Variants in ZNF100 observed in about 807,000 individuals in gnomAD.
The protein encoded by ZNF100 is zinc finger protein 100 (Y1).
ZNF100 carries 12 observed loss-of-function variants against 15.8 expected under a neutral mutation model. The ratio of observed to expected loss-of-function variants is 0.76; its 90% CI spans 0.49 to 1.23. ZNF100 has a LOEUF of 1.23. ZNF100 is among the 50% of genes most tolerant of loss of function. The probability of loss-of-function intolerance (pLI) is 0.00; values close to 1 mark genes in which losing one functional copy is unlikely to be tolerated. For synonymous variants in ZNF100, 226 were observed against 214.8 expected (o/e 1.05, Z -0.45); for missense variants, 670 against 635.6 (o/e 1.05, Z -0.58).
At chr19:21,750,859 C>A in intron 2 of ZNF100, 1 of 518,912 alleles carries the variant, frequency 1.9e-6, no homozygotes, top group Non-Finnish European at 3.4e-6. Context: ...GGGGAACACG[C>A]TGACCTATTG....
intron 4 of ZNF100, among the ~76,000 whole-genome samples, chr19:21,735,596 C>T (rs535752221): frequency 3.2e-4 from 48 of 150,870 alleles, no homozygotes; most frequent in Non-Finnish European, 3.1e-4. Context: ...TCACATGCAA[C>T]GACACACATA....
At chr19:21,733,161 T>C (rs2035947493) in intron 4 of ZNF100, among the ~76,000 whole-genome samples, 1 of 152,194 alleles carries the variant, frequency 6.6e-6, no homozygotes, top group African/African-American at 2.4e-5. Flanking sequence ...CTATTAAATG[T>C]AAATACAGAC....
intron 4 of ZNF100, 117 bp downstream of exon 4, chr19:21,743,900 A>G: frequency 2.0e-6 from 2 of 1,015,910 alleles, no homozygotes; most frequent in South Asian, 2.2e-5. Context: ...ACACTCAGGC[A>G]TCCCAGAAAC....
intron 2 of ZNF100, among the ~76,000 whole-genome samples, chr19:21,746,123 AAATT>A (rs1276557267): frequency 6.6e-6 from 1 of 152,250 alleles, no homozygotes; most frequent in Non-Finnish European, 1.5e-5. Flanking sequence ...TTAACCAAGT[AAATT>A]ATTAATATCA....
In ZNF100 at chr19:21,726,363, TAGA is replaced by T. The variant is rs1456624579; in HGVS notation, c.*317_*319del. 6 of 287,724 alleles carry T rather than the reference TAGA, an allele frequency of 2.1e-5. No individual in the cohort carries two copies. In the East Asian group the frequency reaches 2.2e-4, roughly 10 times the overall value. The allele number at this position is 287,724 out of a possible 1,614,324, so 17.8% of individuals were successfully genotyped here. A position where few individuals can be genotyped will look rare whatever the true frequency, so the allele number is the denominator to read the frequency against. On this transcript the variant is annotated 3_prime_UTR_variant, in exon 5 of 5. Transcript: ENST00000358296. ...AGTTTTGTCACACTGTTCACACATG[TAGA>T]AGTTTTCTCCAGTATAACTTACCTT...
chr19:21,759,298 A>G (rs1191763120), intron 2 of ZNF100, among the ~76,000 whole-genome samples: 1 of 152,252 alleles, frequency 6.6e-6, no homozygotes, highest in Non-Finnish European at 1.5e-5. Flanking sequence ...AGAAATGTAT[A>G]GAACAAAAAG....
At chr19:21,760,754 G>GTTTTTTTTTTTTTTTTTTTT (rs59317162) in intron 2 of ZNF100, among the ~76,000 whole-genome samples, 1 of 102,094 alleles carries the variant, frequency 9.8e-6, no homozygotes, top group African/African-American at 3.6e-5. Context: ...GAACTTTCTT[G>GTTTTTTTTTTTTTTTTTTTT]TTTTTTTTTT....
intron 4 of ZNF100, among the ~76,000 whole-genome samples, chr19:21,732,837 T>C (rs1306289787): frequency 6.6e-6 from 1 of 152,000 alleles, no homozygotes; most frequent in Non-Finnish European, 1.5e-5. Flanking sequence ...CAATATTTAA[T>C]TCAAAATTAT....
chr19:21,753,997 C>T (rs2036352308), intron 2 of ZNF100, among the ~76,000 whole-genome samples: 1 of 152,114 alleles, frequency 6.6e-6, no homozygotes, highest in Non-Finnish European at 1.5e-5. Flanking sequence ...CTGATAATGC[C>T]ATCTAAATTT....
At chr19:21,765,840 G>C in intron 1 of ZNF100, 54 bp from the exon 2 acceptor site, 1 of 1,537,272 alleles carries the variant, frequency 6.5e-7, no homozygotes, top group Admixed American at 1.7e-5. Context: ...TTAGCTGACA[G>C]AACCATGGCG....
At chr19:21,766,625 C>CTATGGGAGAGG (rs2036567309) in intron 1 of ZNF100, among the ~76,000 whole-genome samples, 1 of 152,166 alleles carries the variant, frequency 6.6e-6, no homozygotes, top group African/African-American at 2.4e-5. Flanking sequence ...AAATGACTTT[C>CTATGGGAGAGG]CTTCAAGCCT....
chr19:21,766,128 A>G lies in ZNF100; in HGVS notation c.4-342T>C, dbSNP rs180833448. Among the ~76,000 whole-genome samples the G allele has an allele frequency of 3.9e-3, 589 of 152,334 alleles. 1 individual carries two copies. Among genetic ancestry groups the G allele is most frequent in the Non-Finnish European group, 6.7e-3 (454 of 68,022 alleles). ...AAGCGCCATTTAATGCTTTGTCAAA[A>G]ACAATTAATTAAAATATGGTATAAA... On this transcript the variant is annotated intron_variant, in intron 1 of 4. Coordinates refer to ENST00000358296, the MANE Select transcript of ZNF100 (RefSeq NM_173531.4).
intron 4 of ZNF100, among the ~76,000 whole-genome samples, chr19:21,739,040 G>A (rs1216669737): frequency 2.6e-5 from 4 of 152,118 alleles, no homozygotes; most frequent in Non-Finnish European, 5.9e-5. Context: ...TGGTGCCAAG[G>A]CATTTATGAG....
chr19:21,724,118 A>G lies in ZNF100; in HGVS notation c.*2565T>C, dbSNP rs1444921330. ...GGTCTATCATGAGTACCAGGCAAGT[A>G]TAAACAGAATTTTCATGGGGAGATT... On this transcript the variant is annotated 3_prime_UTR_variant, in exon 5 of 5. Transcript: ENST00000358296. The G allele has an allele frequency of 6.6e-6, 1 of 152,222 alleles. No homozygotes were observed. The highest frequency in any genetic ancestry group is 6.5e-5 in the Admixed American group (1 of 15,284). 9.4% of individuals were successfully genotyped at this position (152,222 alleles called of 1,614,324 possible).
At chr19:21,731,549 C>T (rs1384313588) in intron 4 of ZNF100, among the ~76,000 whole-genome samples, 3 of 152,046 alleles carry the variant, frequency 2.0e-5, no homozygotes, top group Admixed American at 6.6e-5. Flanking sequence ...CCTTGATATC[C>T]GCCTGCCTCA....
chr19:21,761,287 G>A (rs1443134884), intron 2 of ZNF100, among the ~76,000 whole-genome samples: 2 of 152,100 alleles, frequency 1.3e-5, no homozygotes, highest in Non-Finnish European at 2.9e-5. Flanking sequence ...AAAAAAATTT[G>A]GAAAATATTT....
At position 21,726,737 on chromosome 19, in the gene ZNF100, G is replaced by C. The variant is rs1277080813; in HGVS notation, c.1575C>G (p.Ser525=). 3 of 1,612,552 alleles carry C rather than the reference G, an allele frequency of 1.9e-6. No individual in the cohort carries two copies. The highest frequency in any genetic ancestry group is 2.5e-6 in the Non-Finnish European group (3 of 1,179,396). ...WEECGKDFNQ[S]LSLIKQNNSY... is the part of the protein sequence containing the mutation. ...AGTTATTTTGTTTAATAAGGCTTAG[G>C]GACTGGTTAAAGTCTTTACCACATT... The change falls in exon 5 of 5, where the codon TCC becomes TCG. Residue 525 remains serine, a synonymous_variant. Transcript: ENST00000358296.
At position 21,742,376 on chromosome 19, in the gene ZNF100, C is replaced by CTT. The variant is rs59997375; in HGVS notation, c.322+1639_322+1640dup. 4.8e-4 allele frequency among the ~76,000 whole-genome samples: 41 copies of CTT among 86,140 alleles called. 2 individuals are homozygous for CTT. Among genetic ancestry groups the CTT allele is most frequent in the African/African-American group, 1.5e-3 (38 of 25,052 alleles). 56.5% of individuals were successfully genotyped at this position (86,140 alleles called of 152,430 possible). ...TTTACAACCATTAATTTTTCTTTTTCTTTTTTTTTTTTTTTTTTTGAGACA... is the reference window on the plus strand; with the variant it reads ...TTTACAACCATTAATTTTTCTTTTTCTTTTTTTTTTTTTTTTTTTTTGAGACA... On this transcript the variant is annotated intron_variant, in intron 4 of 4. Coordinates refer to ENST00000358296, the MANE Select transcript of ZNF100 (RefSeq NM_173531.4).
intron 4 of ZNF100, among the ~76,000 whole-genome samples, chr19:21,730,783 C>G (rs1028059738): frequency 6.6e-6 from 1 of 151,946 alleles, no homozygotes. Flanking sequence ...TTTGTTAAGA[C>G]TGAGATTGTA....
Sources: allele counts gnomAD v4.1 joint callset (sites outside exome capture counted in the v4.1 genomes callset), GRCh38; gene constraint gnomAD v4.1.1; transcripts MANE v1.5; gene names NCBI Gene and HGNC (gene_info 2026-07-23, HGNC 2026-07-21).